Variants in CCSER2 observed in about 807,000 individuals in gnomAD.
CCSER2 encodes serine-rich coiled-coil domain-containing protein 2.
A neutral mutation model predicts 92.3 loss-of-function variants in CCSER2; 46 were observed. That is an observed-to-expected ratio of 0.50 (90% CI 0.39 to 0.64). CCSER2 has a LOEUF of 0.64. Ranked by LOEUF, CCSER2 falls within the 30% of genes least tolerant of loss-of-function variation. CCSER2 has a pLI of 0.00. For missense variants in CCSER2, 1,244 were observed against 1,238.9 expected (o/e 1.00, Z -0.06); for synonymous variants, 433 against 431.4 (o/e 1.00, Z -0.04).
At chr10:84,377,049 A>G (rs572242378) in intron 3 of CCSER2, among the ~76,000 whole-genome samples, 1 of 152,208 alleles carries the variant, frequency 6.6e-6, no homozygotes, top group East Asian at 1.9e-4. Flanking sequence ...ATATTTTTTG[A>G]CATAAATATT....
At chr10:84,414,579 C>CT (rs1306623543) in intron 3 of CCSER2, among the ~76,000 whole-genome samples, 2 of 151,276 alleles carry the variant, frequency 1.3e-5, no homozygotes, top group African/African-American at 4.9e-5. Context: ...CTGCCCTTAA[C>CT]ATTTTTTTTT....
intron 9 of CCSER2, chr10:84,500,058 C>T: frequency 6.5e-7 from 1 of 1,543,120 alleles, no homozygotes; most frequent in Admixed American, 1.8e-5. Context: ...CTTTTCTATC[C>T]TGAGTGCTCT....
chr10:84,433,158 CT>C (rs1313809319), intron 5 of CCSER2, among the ~76,000 whole-genome samples: 65 of 152,118 alleles, frequency 4.3e-4, no homozygotes, highest in Non-Finnish European at 7.5e-4. Flanking sequence ...AGGCCTTCGA[CT>C]TTCTTCTTCT....
At chr10:84,496,920 A>G (rs915380951) in intron 9 of CCSER2, among the ~76,000 whole-genome samples, 1 of 152,172 alleles carries the variant, frequency 6.6e-6, no homozygotes, top group Non-Finnish European at 1.5e-5. Context: ...TGTATTTGAC[A>G]GCAGGAAAAG....
chr10:84,383,237 T>A (rs1284028781), intron 3 of CCSER2, among the ~76,000 whole-genome samples: 1 of 152,212 alleles, frequency 6.6e-6, no homozygotes, highest in East Asian at 1.9e-4. Flanking sequence ...TAATTTTGTA[T>A]CTGTGACATT....
chr10:84,498,451 T>C (rs1005400249), intron 9 of CCSER2, among the ~76,000 whole-genome samples: 18 of 152,060 alleles, frequency 1.2e-4, no homozygotes, highest in Admixed American at 3.9e-4. Context: ...GCTTTTTTTT[T>C]TCCCTTCATC....
intron 9 of CCSER2, among the ~76,000 whole-genome samples, chr10:84,480,291 G>A (rs1454469481): frequency 6.6e-6 from 1 of 151,992 alleles, no homozygotes; most frequent in Non-Finnish European, 1.5e-5. Flanking sequence ...CCCAAATGCT[G>A]GGATTACAGA....
chr10:84,435,971 G>A (rs1293385298), intron 5 of CCSER2, among the ~76,000 whole-genome samples: 1 of 152,088 alleles, frequency 6.6e-6, no homozygotes, highest in Non-Finnish European at 1.5e-5. Context: ...CTACTCAGAG[G>A]TTGTGGGTTT....
chr10:84,346,760 TTA>T (rs767734162), intron 1 of CCSER2, among the ~76,000 whole-genome samples: 2,323 of 97,992 alleles, frequency 0.024, 23 homozygotes, highest in Non-Finnish European at 0.039. Flanking sequence ...TTCTTTTTTT[TTA>T]TATATATATA....
intron 3 of CCSER2, among the ~76,000 whole-genome samples, chr10:84,383,070 G>A (rs893287713): frequency 1.5e-4 from 23 of 152,150 alleles, no homozygotes; most frequent in African/African-American, 4.8e-4. Context: ...CAGTGTTTGC[G>A]TGGGTATATG....
intron 9 of CCSER2, among the ~76,000 whole-genome samples, chr10:84,489,906 C>T (rs930103673): frequency 5.3e-5 from 8 of 152,176 alleles, no homozygotes; most frequent in Non-Finnish European, 1.2e-4. Context: ...TTTAGTGCTT[C>T]CTTCAGGAGC....
chr10:84,368,151 T>G (rs1399155428), intron 1 of CCSER2, among the ~76,000 whole-genome samples: 7 of 152,118 alleles, frequency 4.6e-5, no homozygotes. Flanking sequence ...TTTCCTCAAC[T>G]TTTGTAGGGC....
chr10:84,482,439 A>G (rs1354620866), intron 9 of CCSER2, among the ~76,000 whole-genome samples: 4 of 152,344 alleles, frequency 2.6e-5, no homozygotes, highest in Non-Finnish European at 2.9e-5. Context: ...TTACGAAACT[A>G]TTTTTAAGCA....
chr10:84,415,440 C>T (rs1842843929), intron 3 of CCSER2, among the ~76,000 whole-genome samples: 1 of 152,198 alleles, frequency 6.6e-6, no homozygotes, highest in Admixed American at 6.5e-5. Context: ...CATTCTTCTT[C>T]AGACCCTAGT....
chr10:84,472,025 G>C (rs1043898551), intron 8 of CCSER2, among the ~76,000 whole-genome samples: 1 of 151,692 alleles, frequency 6.6e-6, no homozygotes, highest in African/African-American at 2.4e-5. Context: ...GTAATTAGTA[G>C]GTTGGAATAA....
chr10:84,349,511 C>A (rs939545541), intron 1 of CCSER2, among the ~76,000 whole-genome samples: 53 of 151,982 alleles, frequency 3.5e-4, no homozygotes, highest in African/African-American at 1.1e-3. Flanking sequence ...CCCGCCCACC[C>A]CCGTCTACAA....
intron 9 of CCSER2, among the ~76,000 whole-genome samples, chr10:84,509,570 C>T (rs1389325827): frequency 1.3e-5 from 2 of 152,140 alleles, no homozygotes; most frequent in Admixed American, 6.5e-5. Context: ...TGAGAATTAT[C>T]AGAATGGTGT....
intron 8 of CCSER2, among the ~76,000 whole-genome samples, chr10:84,472,535 G>T (rs1392333264): frequency 2.0e-5 from 3 of 152,102 alleles, no homozygotes; most frequent in Non-Finnish European, 4.4e-5. Context: ...TCATGCCACT[G>T]CACTTCAGCC....
At chr10:84,344,711 T>A (rs1247271566) in intron 1 of CCSER2, among the ~76,000 whole-genome samples, 1 of 151,914 alleles carries the variant, frequency 6.6e-6, no homozygotes, top group East Asian at 1.9e-4. Context: ...TGGTAAGGAG[T>A]CCTGAAAGAG....
Sources: gnomAD v4.1 joint callset for allele counts (sites outside exome capture counted in the v4.1 genomes callset) on GRCh38, gnomAD v4.1.1 for gene constraint, MANE v1.5 for transcripts, NCBI Gene and HGNC (gene_info 2026-07-23, HGNC 2026-07-21) for gene names.